CPQ: variants seen among roughly 807,000 people sequenced by gnomAD.
CPQ encodes carboxypeptidase Q, also known as Ser-Met dipeptidase.
CPQ carries 37 observed loss-of-function variants against 45.7 expected under a neutral mutation model. The observed-to-expected ratio is 0.81, with a 90% confidence interval of 0.62 to 1.07. The LOEUF (loss-of-function observed/expected upper bound fraction) is 1.07, where lower values mean the gene tolerates loss of function less well. Among genes scored for constraint, CPQ ranks in the 50% least tolerant of loss-of-function variants. CPQ has a pLI of 0.00. For synonymous variants in CPQ, 186 were observed against 205.8 expected (o/e 0.90, Z 0.82); for missense variants, 537 against 572.9 (o/e 0.94, Z 0.64).
At chr8:97,066,288 A>G in intron 7 of CPQ, 78 bp downstream of exon 7, 1 of 1,303,472 alleles carries the variant, frequency 7.7e-7, no homozygotes, top group South Asian at 1.3e-5. Flanking sequence ...AATAGAGCAC[A>G]ATGAATACTA....
At chr8:96,900,573 C>T (rs1260425866) in intron 4 of CPQ, among the ~76,000 whole-genome samples, 3 of 152,164 alleles carry the variant, frequency 2.0e-5, no homozygotes, top group African/African-American at 4.8e-5. Context: ...TGCTTAGCAA[C>T]TCTATTTCCT....
intron 3 of CPQ, among the ~76,000 whole-genome samples, chr8:96,855,872 C>G (rs1811842133): frequency 6.6e-6 from 1 of 152,172 alleles, no homozygotes. Flanking sequence ...TCCAGAAGAG[C>G]AGTCAGCTTG....
chr8:96,755,736 C>T (rs1044816960), intron 1 of CPQ, among the ~76,000 whole-genome samples: 14 of 151,788 alleles, frequency 9.2e-5, no homozygotes, highest in African/African-American at 1.9e-4. Context: ...CTTCTCAAAT[C>T]GAAATTTTGT....
At chr8:96,669,147 T>A (rs368569557) in intron 1 of CPQ, among the ~76,000 whole-genome samples, 5 of 152,302 alleles carry the variant, frequency 3.3e-5, no homozygotes, top group Middle Eastern at 3.4e-3. Context: ...GTAATGAGCC[T>A]CCTGCTGCCC....
chr8:96,880,081 G>A, intron 4 of CPQ, 76 bp downstream of exon 4: 9 of 1,314,008 alleles, frequency 6.8e-6, no homozygotes, highest in Non-Finnish European at 9.7e-6. Context: ...GTTTGGGAAA[G>A]AGAGAACGTG....
At chr8:96,868,856 A>G (rs1812027545) in intron 3 of CPQ, among the ~76,000 whole-genome samples, 1 of 151,976 alleles carries the variant, frequency 6.6e-6, no homozygotes, top group Admixed American at 6.6e-5. Context: ...TTCCACTGAA[A>G]TTGAACACCG....
At chr8:96,894,059 G>C (rs1812411511) in intron 4 of CPQ, among the ~76,000 whole-genome samples, 1 of 152,166 alleles carries the variant, frequency 6.6e-6, no homozygotes, top group African/African-American at 2.4e-5. Context: ...GAAGCCAGCT[G>C]CCACGCTGGG....
Position 97,042,237 on chromosome 8 carries a change from T to C in CPQ, c.1053+12743T>C, listed in dbSNP as rs962900015. On this transcript the variant is annotated intron_variant, in intron 6 of 7. Coordinates refer to ENST00000220763, the MANE Select transcript of CPQ (RefSeq NM_016134.4). ...GGGAGGGTGTATGTGTCGAGGAATT[T>C]ATCCATTTCTTCTAGATTTTCTAGT... 3.9e-5 allele frequency among the ~76,000 whole-genome samples: 6 copies of C among 152,112 alleles called. 1 individual carries two copies. Among genetic ancestry groups the C allele is most frequent in the Admixed American group, 3.9e-4 (6 of 15,282 alleles).
chr8:96,945,694 C>A (rs1813180077), intron 4 of CPQ, among the ~76,000 whole-genome samples: 1 of 152,044 alleles, frequency 6.6e-6, no homozygotes, highest in African/African-American at 2.4e-5. Flanking sequence ...ATAAAATAAT[C>A]TGTTTAATGA....
intron 1 of CPQ, among the ~76,000 whole-genome samples, chr8:96,697,440 C>T (rs1809400712): frequency 6.6e-6 from 1 of 152,094 alleles, no homozygotes. Flanking sequence ...ATCTGAAAGC[C>T]TTTTCTCTAA....
At chr8:97,013,229 G>A (rs6991570) in intron 5 of CPQ, among the ~76,000 whole-genome samples, 79,675 of 151,812 alleles carry the variant, frequency 0.52, 22,038 homozygotes, top group East Asian at 0.61. Flanking sequence ...GCAGAAAGCC[G>A]AGACCATGCC....
chr8:96,799,844 T>C (rs1563500067), intron 2 of CPQ, among the ~76,000 whole-genome samples: 1 of 152,174 alleles, frequency 6.6e-6, no homozygotes, highest in African/African-American at 2.4e-5. Context: ...CATCATGCCT[T>C]CCCAGTAGCC....
intron 5 of CPQ, among the ~76,000 whole-genome samples, chr8:96,968,494 G>A (rs890537297): frequency 1.3e-5 from 2 of 152,138 alleles, no homozygotes; most frequent in African/African-American, 4.8e-5. Context: ...TATGCCCTTG[G>A]GCTTGAGGCC....
At chr8:96,891,006 C>T (rs532476799) in intron 4 of CPQ, among the ~76,000 whole-genome samples, 176 of 152,294 alleles carry the variant, frequency 1.2e-3, no homozygotes, top group Middle Eastern at 6.8e-3. Context: ...AAAGTATTGT[C>T]GCCTAGTTGG....
intron 7 of CPQ, among the ~76,000 whole-genome samples, chr8:97,136,944 C>T (rs975103050): frequency 6.6e-6 from 1 of 151,862 alleles, no homozygotes; most frequent in Non-Finnish European, 1.5e-5. Context: ...TGCAGGATCT[C>T]CCTCAGTGCC....
chr8:96,776,520 C>A (rs1038306269), intron 1 of CPQ, among the ~76,000 whole-genome samples: 1 of 152,136 alleles, frequency 6.6e-6, no homozygotes, highest in Non-Finnish European at 1.5e-5. Flanking sequence ...TTCTGTTTGT[C>A]TATTCGCTCT....
At chr8:96,987,051 G>A (rs2853271) in intron 5 of CPQ, among the ~76,000 whole-genome samples, 52,694 of 151,762 alleles carry the variant, frequency 0.35, 9,095 homozygotes, top group South Asian at 0.38. Context: ...AAATGGGCAC[G>A]TGTGCATCTT....
rs114045623 is a variant in CPQ, at chr8:96,857,293, C to T, written c.641+22113C>T. Among the ~76,000 whole-genome samples the T allele has an allele frequency of 5.3e-3, 805 of 152,258 alleles. 3 individuals carry two copies. Among genetic ancestry groups the T allele is most frequent in the African/African-American group, 0.015 (642 of 41,536 alleles). ...CCAGAAAGTAGTGCCCAGAGGGATC[C>T]GAGGGGCATCTGCATGTTTATTAAT... On this transcript the variant is annotated intron_variant, in intron 3 of 7. Coordinates refer to ENST00000220763, the MANE Select transcript of CPQ (RefSeq NM_016134.4).
chr8:96,730,065 A>G (rs936491054), intron 1 of CPQ, among the ~76,000 whole-genome samples: 2 of 152,220 alleles, frequency 1.3e-5, no homozygotes, highest in Admixed American at 1.3e-4. Context: ...GGAGGTAAAC[A>G]CAAAGGCAGT....
Sources: allele counts gnomAD v4.1 joint callset (sites outside exome capture counted in the v4.1 genomes callset), GRCh38; gene constraint gnomAD v4.1.1; transcripts MANE v1.5; gene names NCBI Gene and HGNC (gene_info 2026-07-23, HGNC 2026-07-21).